PTPN4: variants seen among roughly 807,000 people sequenced by gnomAD.
The protein encoded by PTPN4 is tyrosine-protein phosphatase non-receptor type 4.
A neutral mutation model predicts 135.5 loss-of-function variants in PTPN4; 49 were observed. The observed-to-expected ratio is 0.36, with a 90% confidence interval of 0.29 to 0.46. The LOEUF (loss-of-function observed/expected upper bound fraction) is 0.46. Among genes scored for constraint, PTPN4 ranks in the 20% least tolerant of loss-of-function variants. PTPN4 has a pLI of 1.00. For missense variants in PTPN4, 860 were observed against 1,101.0 expected, an observed-to-expected ratio of 0.78 and a Z score of 3.10; for synonymous variants, 333 against 369.9, an observed-to-expected ratio of 0.90 and a Z score of 1.14.
chr2:119,812,426 A>G (rs1024841905), intron 2 of PTPN4, among the ~76,000 whole-genome samples: 4 of 152,200 alleles, frequency 2.6e-5, no homozygotes, highest in African/African-American at 7.2e-5. Context: ...CACCACAGGT[A>G]AAATATTCAT....
chr2:119,914,011 A>C (rs1678611601), intron 10 of PTPN4, among the ~76,000 whole-genome samples: 1 of 152,142 alleles, frequency 6.6e-6, no homozygotes, highest in African/African-American at 2.4e-5. Context: ...TATACAAAAT[A>C]TATATTATGC....
chr2:119,969,665 T>C (rs1341484049), intron 26 of PTPN4, among the ~76,000 whole-genome samples: 4 of 149,168 alleles, frequency 2.7e-5, no homozygotes, highest in African/African-American at 5.0e-5. Context: ...ATCACACCAT[T>C]CTGCTGCCTC....
chr2:119,949,822 A>C (rs1679186969), intron 18 of PTPN4, among the ~76,000 whole-genome samples: 1 of 152,042 alleles, frequency 6.6e-6, no homozygotes. Context: ...CAGCCTAAGC[A>C]ACAGAGCAAG....
At chr2:119,943,499 A>T (rs1366384661) in intron 15 of PTPN4, among the ~76,000 whole-genome samples, 3 of 151,056 alleles carry the variant, frequency 2.0e-5, no homozygotes, top group Middle Eastern at 6.9e-3. Context: ...GACTGGTAGC[A>T]TTCCCTGTTT....
chr2:119,787,677 G>T (rs1002749806), intron 1 of PTPN4, among the ~76,000 whole-genome samples: 1 of 152,152 alleles, frequency 6.6e-6, no homozygotes, highest in African/African-American at 2.4e-5. Context: ...TGCAGCCTCT[G>T]GTGTCTGGCT....
At chr2:119,920,008 A>G in intron 11 of PTPN4, 61 bp from the exon 12 acceptor site, 2 of 1,528,874 alleles carry the variant, frequency 1.3e-6, no homozygotes, top group South Asian at 2.7e-5. Flanking sequence ...AAAGTAAATT[A>G]AATGGAGCAT....
chr2:119,761,113 C>T (rs1690484332), intron 1 of PTPN4, among the ~76,000 whole-genome samples: 1 of 152,118 alleles, frequency 6.6e-6, no homozygotes, highest in African/African-American at 2.4e-5. Flanking sequence ...TGCAATATGC[C>T]AGCTGCTTTT....
At chr2:119,852,303 C>T (rs1042048363) in intron 2 of PTPN4, among the ~76,000 whole-genome samples, 1 of 152,190 alleles carries the variant, frequency 6.6e-6, no homozygotes, top group Admixed American at 6.5e-5. Context: ...TGCGGTCTGA[C>T]CCCAGCCAAC....
chr2:119,801,092 A>AT (rs1226767418), intron 1 of PTPN4, among the ~76,000 whole-genome samples: 4 of 151,542 alleles, frequency 2.6e-5, no homozygotes, highest in Admixed American at 6.6e-5. Flanking sequence ...TTAATTTTTT[A>AT]TTTTTTTTAA....
At chr2:119,971,273 A>G (rs1425278193) in intron 26 of PTPN4, among the ~76,000 whole-genome samples, 1 of 152,116 alleles carries the variant, frequency 6.6e-6, no homozygotes, top group Non-Finnish European at 1.5e-5. Context: ...ACTTTCAGAC[A>G]ACTATGTCTT....
intron 13 of PTPN4, among the ~76,000 whole-genome samples, chr2:119,930,095 C>G (rs1678882099): frequency 6.6e-6 from 1 of 152,064 alleles, no homozygotes; most frequent in African/African-American, 2.4e-5. Flanking sequence ...AAAATTTGCA[C>G]TGCAATATGA....
intron 3 of PTPN4, among the ~76,000 whole-genome samples, chr2:119,873,806 G>C (rs1677947649): frequency 6.6e-6 from 1 of 152,176 alleles, no homozygotes; most frequent in South Asian, 2.1e-4. Context: ...TAGTACAGCA[G>C]TTCTTGGCAA....
chr2:119,769,696 G>C (rs933521023), intron 1 of PTPN4, among the ~76,000 whole-genome samples: 2 of 152,210 alleles, frequency 1.3e-5, no homozygotes, highest in Admixed American at 1.3e-4. Flanking sequence ...CGTTTCAAGG[G>C]TTACATACAC....
intron 9 of PTPN4, among the ~76,000 whole-genome samples, chr2:119,895,242 GTAAAAT>G (rs1678301709): frequency 6.6e-6 from 1 of 152,198 alleles, no homozygotes; most frequent in African/African-American, 2.4e-5. Context: ...TCTCCACCGT[GTAAAAT>G]TAATGTTGTT....
chr2:119,846,496 A>T (rs927211103), intron 2 of PTPN4, among the ~76,000 whole-genome samples: 2 of 151,064 alleles, frequency 1.3e-5, no homozygotes, highest in African/African-American at 4.9e-5. Context: ...CTTATTATAT[A>T]TTTGTATTTC....
intron 16 of PTPN4, among the ~76,000 whole-genome samples, chr2:119,945,478 T>C (rs887988560): frequency 1.2e-4 from 18 of 152,140 alleles, no homozygotes; most frequent in Admixed American, 2.6e-4. Context: ...TAAGGGAAGA[T>C]TCCTATAAGA....
In PTPN4 at chr2:119,955,250, A is replaced by G; in HGVS notation, c.1907A>G (p.Asp636Gly). The change falls in exon 20 of 27, where the codon GAC becomes GGC. Residue 636 changes from aspartate (D) to glycine (G), a missense_variant. Asp to Gly is a moderately conservative substitution (Grantham distance 94). This residue lies in a region of PTPN4 where 684 missense variants were observed against 807.0 expected (regional missense o/e 0.85). Coordinates refer to ENST00000263708, the MANE Select transcript of PTPN4 (RefSeq NM_002830.4). ...CCACTAGATAGTGTGCATCAGGATG[A>G]CCATTCCCTGCGGGAGTCAATGATC... ...KAPLDSVHQD[D>G]HSLRESMIQL... 6.2e-7 allele frequency: 1 copy of G among 1,613,708 alleles called. No individual in the cohort carries two copies. Among genetic ancestry groups the G allele is most frequent in the Non-Finnish European group, 8.5e-7 (1 of 1,179,820 alleles).
At chr2:119,927,351 TC>T (rs148149417) in intron 13 of PTPN4, among the ~76,000 whole-genome samples, 4 of 151,586 alleles carry the variant, frequency 2.6e-5, no homozygotes, top group Non-Finnish European at 4.4e-5. Flanking sequence ...CCTCAGGTGA[TC>T]CCCCCCACCT....
chr2:119,980,396 C>T lies in PTPN4; in HGVS notation c.*3326C>T, dbSNP rs942305130. 7 of 152,130 alleles carry T rather than the reference C, an allele frequency of 4.6e-5. No homozygotes were observed. Among genetic ancestry groups the T allele is most frequent in the Admixed American group, 1.3e-4 (2 of 15,278 alleles). 9.4% of individuals were successfully genotyped at this position (152,130 alleles called of 1,614,324 possible). A position where few individuals can be genotyped will look rare whatever the true frequency, so the allele number is the denominator to read the frequency against. Reference sequence around the variant, plus strand: ...AGGAAAAGTCTCCTGTCTTCTATCTCCACTAGAAGTACTGCAGCTTGAGAG... The same window carrying T: ...AGGAAAAGTCTCCTGTCTTCTATCTTCACTAGAAGTACTGCAGCTTGAGAG... On this transcript the variant is annotated 3_prime_UTR_variant, in exon 27 of 27. Coordinates refer to ENST00000263708, the MANE Select transcript of PTPN4 (RefSeq NM_002830.4).
Sources: gnomAD v4.1 joint callset for allele counts (sites outside exome capture counted in the v4.1 genomes callset) on GRCh38, gnomAD v4.1.1 for gene constraint, gnomAD v4.1.1 regional missense constraint, MANE v1.5 for transcripts, NCBI Gene and HGNC (gene_info 2026-07-23, HGNC 2026-07-21) for gene names.